The following SEMA4F variants were observed in gnomAD, a reference collection of about 807,000 sequenced individuals.
SEMA4F encodes the protein semaphorin-4F.
SEMA4F carries 51 observed loss-of-function variants against 78.4 expected under a neutral mutation model. That is an observed-to-expected ratio of 0.65 (90% CI 0.52 to 0.82). The LOEUF is 0.82. Ranked by LOEUF, SEMA4F falls within the 40% of genes least tolerant of loss-of-function variation. The probability of loss-of-function intolerance (pLI) is 0.00; values close to 1 mark genes in which losing one functional copy is unlikely to be tolerated. For missense variants in SEMA4F, 938 were observed against 1,014.4 expected, an observed-to-expected ratio of 0.92 and a Z score of 1.02; for synonymous variants, 418 against 408.7, an observed-to-expected ratio of 1.02 and a Z score of -0.27.
chr2:74,693,849 T>C, the SEMA4F span, among the ~76,000 whole-genome samples: 1 of 152,222 alleles, frequency 6.6e-6, no homozygotes, highest in African/African-American at 2.4e-5. Context: ...AGTTTGTTTA[T>C]TCAACCAGTT....
chr2:74,654,510 T>C lies in SEMA4F; in HGVS notation c.134T>C (p.Leu45Pro). The change falls in exon 1 of 14, where the codon CTT becomes CCT. Residue 45 changes from leucine (L) to proline (P), a missense_variant. Leu to Pro is a moderately conservative substitution (Grantham distance 98). Coordinates refer to ENST00000357877, the MANE Select transcript of SEMA4F (RefSeq NM_004263.5). Reference protein sequence around the residue: ...RVPRSVPRTSLPISEADSCLT... With the variant: ...RVPRSVPRTSPPISEADSCLT... Reference sequence around the variant, plus strand: ...CCCCGCTCGGTGCCCAGAACCTCGCTTCCAATCTCTGGTAAGGCGCGGACG... The same window carrying C: ...CCCCGCTCGGTGCCCAGAACCTCGCCTCCAATCTCTGGTAAGGCGCGGACG... The C allele has an allele frequency of 1.3e-6, 2 of 1,567,050 alleles. No homozygotes were observed. Among genetic ancestry groups the C allele is most frequent in the Non-Finnish European group, 8.6e-7 (1 of 1,160,056 alleles).
At chr2:74,665,068 C>T (rs1684617582) in intron 5 of SEMA4F, among the ~76,000 whole-genome samples, 1 of 151,788 alleles carries the variant, frequency 6.6e-6, no homozygotes, top group African/African-American at 2.4e-5. Context: ...CTTTTTTTGC[C>T]AACTTTATCA....
chr2:74,677,913 A>G (rs1685382453), intron 12 of SEMA4F, among the ~76,000 whole-genome samples: 1 of 152,262 alleles, frequency 6.6e-6, no homozygotes, highest in Admixed American at 6.5e-5. Context: ...GCATATAATT[A>G]GAATAGTCAT....
the SEMA4F span, among the ~76,000 whole-genome samples, chr2:74,700,942 T>C: frequency 6.6e-6 from 1 of 152,222 alleles, no homozygotes; most frequent in African/African-American, 2.4e-5. Flanking sequence ...TGCTGTGAGA[T>C]ACCCCAGTGT....
rs201174247 is a variant in SEMA4F, at chr2:74,679,601, C to T, written c.1705C>T (p.Arg569Cys). The part of the protein sequence containing the change: ...SSLCPKEPGE[R>C]PVVFEVPVAT... ...TGTGCCTTTGCTGTTTCTCACAGAA[C>T]GTCCAGTAGTGTTTGAAGTTCCCGT... is the stretch of plus-strand genomic sequence containing the variant. Residue 569 changes from arginine to cysteine, a missense_variant and splice_region_variant, in exon 14 of 14, where the codon CGT (arginine) becomes TGT (cysteine). Coordinates refer to ENST00000357877, the MANE Select transcript of SEMA4F (RefSeq NM_004263.5). 66 of 1,588,074 alleles carry T rather than the reference C, an allele frequency of 4.2e-5. No homozygotes were observed. Among genetic ancestry groups the T allele is most frequent in the Middle Eastern group, 3.3e-4 (2 of 5,986 alleles).
Position 74,675,801 on chromosome 2 carries a change from A to C in SEMA4F, c.1535A>C (p.Asn512Thr). ...GAGGTGACACAAGTGAATACAACCA[A>C]CTGTGGCCGTCTCCAGAGCTGCTCA... ...RTEVTQVNTTNCGRLQSCSEC... is the reference protein window; with the variant it reads ...RTEVTQVNTTTCGRLQSCSEC... The change falls in exon 12 of 14, where the codon AAC (asparagine) becomes ACC (threonine). Residue 512 changes from asparagine to threonine, a missense_variant. By Grantham distance (65) the Asn-to-Thr change is moderately conservative. Transcript: ENST00000357877. 4 of 1,614,188 alleles carry C rather than the reference A, an allele frequency of 2.5e-6. No individual in the cohort carries two copies. Among genetic ancestry groups the C allele is most frequent in the Non-Finnish European group, 3.4e-6 (4 of 1,180,048 alleles).
the SEMA4F span, among the ~76,000 whole-genome samples, chr2:74,693,644 G>T: frequency 6.6e-6 from 1 of 152,214 alleles, no homozygotes. Context: ...GATCATCCCT[G>T]TGTTAGTGGT....
intron 5 of SEMA4F, among the ~76,000 whole-genome samples, chr2:74,665,232 T>TC (rs1558723428): frequency 6.7e-6 from 1 of 149,020 alleles, no homozygotes; most frequent in African/African-American, 2.5e-5. Flanking sequence ...CTTTTTCTTT[T>TC]TTTTTTTTTT....
At chr2:74,659,812 T>C (rs369831185) in intron 4 of SEMA4F, among the ~76,000 whole-genome samples, 10 of 152,198 alleles carry the variant, frequency 6.6e-5, no homozygotes, top group African/African-American at 2.4e-4. Context: ...TGAGACTGTA[T>C]ATAAACAATT....
intron 1 of SEMA4F, chr2:74,655,278 A>G: frequency 2.5e-6 from 1 of 401,912 alleles, no homozygotes; most frequent in Non-Finnish European, 5.1e-6. Flanking sequence ...CTTCAGAAGG[A>G]AAAATAGAGG....
chr2:74,662,844 G>C lies in SEMA4F; in HGVS notation c.550+19G>C. ...ATGGCTGGTGAGTGGGGAGAGACAAGAACCTGTAACTTCTTGCTAATTGCC... is the reference window on the plus strand; with the variant it reads ...ATGGCTGGTGAGTGGGGAGAGACAACAACCTGTAACTTCTTGCTAATTGCC... On this transcript the variant is annotated intron_variant, in intron 5 of 13. Transcript: ENST00000357877. The C allele has an allele frequency of 6.2e-7, 1 of 1,608,568 alleles. No individual in the cohort carries two copies. The highest frequency in any genetic ancestry group is 8.5e-7 in the Non-Finnish European group (1 of 1,174,934).
At position 74,675,156 on chromosome 2, in the gene SEMA4F, C is replaced by T. The variant is rs1685199620; in HGVS notation, c.1150-6C>T. 6.2e-7 allele frequency: 1 copy of T among 1,614,104 alleles called. No homozygotes were observed. Among genetic ancestry groups the T allele is most frequent in the Non-Finnish European group, 8.5e-7 (1 of 1,180,012 alleles). Reference sequence around the variant, plus strand: ...AACTTTGTCACCAGCCCTGTATTTCCTCTAGTGCATCACCAACAACATGAA... The same window carrying T: ...AACTTTGTCACCAGCCCTGTATTTCTTCTAGTGCATCACCAACAACATGAA... On this transcript the variant is annotated splice_region_variant and splice_polypyrimidine_tract_variant and intron_variant, in intron 9 of 13. Coordinates refer to ENST00000357877, the MANE Select transcript of SEMA4F (RefSeq NM_004263.5).
chr2:74,681,231 G>A lies in SEMA4F; in HGVS notation c.*1022G>A, dbSNP rs1186624462. ...TTTGCAATCAGTGACTACTCAGGGT[G>A]ACACCCTTGCCCTAAAGCAGGAGTC... On this transcript the variant is annotated 3_prime_UTR_variant, in exon 14 of 14. Transcript: ENST00000357877. The A allele has an allele frequency of 2.0e-5, 3 of 152,648 alleles. No individual in the cohort carries two copies. The East Asian group carries it at 5.8e-4, about 29-fold the overall frequency. The allele number at this position is 152,648 out of a possible 1,614,324, so 9.5% of individuals were successfully genotyped here. A position where few individuals can be genotyped will look rare whatever the true frequency, so the allele number is the denominator to read the frequency against.
intron 4 of SEMA4F, among the ~76,000 whole-genome samples, chr2:74,660,076 C>T (rs1204141692): frequency 6.6e-6 from 1 of 152,190 alleles, no homozygotes; most frequent in Non-Finnish European, 1.5e-5. Context: ...GACAACCATT[C>T]AGTTGAGTGT....
chr2:74,654,331 C>A lies in SEMA4F; in HGVS notation c.-46C>A. The A allele has an allele frequency of 3.5e-6, 5 of 1,425,528 alleles. No homozygotes were observed. Among genetic ancestry groups the A allele is most frequent in the Non-Finnish European group, 2.7e-6 (3 of 1,096,476 alleles). 88.3% of individuals were successfully genotyped at this position (1,425,528 alleles called of 1,614,324 possible). A position where few individuals can be genotyped will look rare whatever the true frequency, so the allele number is the denominator to read the frequency against. On this transcript the variant is annotated 5_prime_UTR_variant, in exon 1 of 14. Transcript: ENST00000357877. ...AGGCCAGTAGCCCCGGGGCCCTGAG[C>A]AGAGGCCGTAGCTTGCGCCGCACCC...
At chr2:74,661,492 A>G (rs1684422121) in intron 4 of SEMA4F, among the ~76,000 whole-genome samples, 1 of 152,224 alleles carries the variant, frequency 6.6e-6, no homozygotes, top group Non-Finnish European at 1.5e-5. Flanking sequence ...GAAGGGAAGC[A>G]GCAGCAGGTA....
At chr2:74,691,545 G>A in the SEMA4F span, among the ~76,000 whole-genome samples, 1 of 152,160 alleles carries the variant, frequency 6.6e-6, no homozygotes, top group Admixed American at 6.5e-5. Context: ...TGGAGGTCTC[G>A]TACTTTTCCA....
rs1558730884 is a variant in SEMA4F at position 74,673,768 on chromosome 2, T to C, written c.762T>C (p.Thr254=). The change falls in exon 7 of 14, where the codon ACT becomes ACC. Residue 254 remains threonine (T), a synonymous_variant. Transcript: ENST00000357877. Reference sequence around the variant, plus strand: ...AAATCTACTTCTTCTTTACGGAGACTTCCCGAGCATTTGACTCATACGAGC... The same window carrying C: ...AAATCTACTTCTTCTTTACGGAGACCTCCCGAGCATTTGACTCATACGAGC... ...DDEIYFFFTE[T]SRAFDSYERI... 1 of 1,614,218 alleles carries C rather than the reference T, an allele frequency of 6.2e-7. No homozygotes were observed. Among genetic ancestry groups the C allele is most frequent in the East Asian group, 2.2e-5 (1 of 44,880 alleles).
the SEMA4F span, among the ~76,000 whole-genome samples, chr2:74,705,057 G>A: frequency 2.0e-5 from 3 of 152,226 alleles, no homozygotes; most frequent in Admixed American, 6.5e-5. Context: ...GGGTCAGGAT[G>A]GACAGAGAAG....
Sources: allele counts gnomAD v4.1 joint callset (sites outside exome capture counted in the v4.1 genomes callset), GRCh38; gene constraint gnomAD v4.1.1; transcripts MANE v1.5; gene names NCBI Gene and HGNC (gene_info 2026-07-23, HGNC 2026-07-21).